The following DGKB variants were observed in gnomAD, a reference collection of about 807,000 sequenced individuals.
DGKB encodes 90 kDa diacylglycerol kinase.
DGKB carries 67 observed loss-of-function variants against 114.3 expected under a neutral mutation model. That is an observed-to-expected ratio of 0.59 (90% CI 0.48 to 0.72). The LOEUF (loss-of-function observed/expected upper bound fraction) is 0.72. Among genes scored for constraint, DGKB ranks in the 30% least tolerant of loss-of-function variants. The pLI, the probability that DGKB is intolerant of heterozygous loss-of-function variation, is 0.00. For synonymous variants in DGKB, 398 were observed against 323.1 expected (o/e 1.23, Z -2.49); for missense variants, 907 against 975.2 (o/e 0.93, Z 0.93).
At chr7:14,350,610 T>C (rs890046708) in intron 21 of DGKB, among the ~76,000 whole-genome samples, 2 of 151,796 alleles carry the variant, frequency 1.3e-5, no homozygotes, top group African/African-American at 2.4e-5. Context: ...TATTTTTATT[T>C]TACAGGTGCA....
At chr7:14,865,393 T>C (rs1220766674) in intron 1 of DGKB, among the ~76,000 whole-genome samples, 1 of 152,208 alleles carries the variant, frequency 6.6e-6, no homozygotes, top group East Asian at 1.9e-4. Flanking sequence ...TGGATAGTGC[T>C]ATTTCTGGCA....
At chr7:14,284,473 A>G (rs1800504029) in intron 23 of DGKB, among the ~76,000 whole-genome samples, 1 of 145,522 alleles carries the variant, frequency 6.9e-6, no homozygotes, top group South Asian at 2.1e-4. Flanking sequence ...GGGATCTAGA[A>G]CTAGAAATAC....
intron 6 of DGKB, 110 bp from the exon 7 acceptor site, chr7:14,701,840 T>A (rs1263609553): frequency 2.9e-6 from 2 of 698,464 alleles, no homozygotes; most frequent in Non-Finnish European, 5.1e-6. Context: ...ACTAAATTCC[T>A]CTCCTGCTCC....
At chr7:14,159,542 A>T (rs1228956878) in intron 25 of DGKB, among the ~76,000 whole-genome samples, 2 of 152,182 alleles carry the variant, frequency 1.3e-5, no homozygotes, top group Non-Finnish European at 2.9e-5. Context: ...GAGTTCAGAG[A>T]TCATATCTTT....
intron 20 of DGKB, among the ~76,000 whole-genome samples, chr7:14,482,260 T>C (rs1783092540): frequency 6.6e-6 from 1 of 152,068 alleles, no homozygotes; most frequent in Non-Finnish European, 1.5e-5. Flanking sequence ...TTACTATTAC[T>C]GAAAAATATT....
chr7:14,865,283 T>A (rs1019173640), intron 1 of DGKB, among the ~76,000 whole-genome samples: 5 of 152,196 alleles, frequency 3.3e-5, no homozygotes, highest in Non-Finnish European at 7.3e-5. Context: ...CTACTACATT[T>A]CCTGGGCGCC....
intron 3 of DGKB, among the ~76,000 whole-genome samples, chr7:14,756,927 T>G (rs1055546845): frequency 6.6e-6 from 1 of 151,936 alleles, no homozygotes; most frequent in Non-Finnish European, 1.5e-5. Flanking sequence ...ATGTAACATC[T>G]CTCAACTAAT....
In DGKB at chr7:14,959,973, C is replaced by A. The variant is rs146214005; in HGVS notation, c.-188+14723G>T. Among the ~76,000 whole-genome samples the A allele has an allele frequency of 4.4e-3, 663 of 152,118 alleles. 7 individuals are homozygous for A. The highest frequency in any genetic ancestry group is 0.015 in the African/African-American group (614 of 41,532). ...ATCATGAGGGAAAACATAACATTTT[C>A]TTTCATCACTTTTGCACAAAGCGGT... On this transcript the variant is annotated intron_variant, in intron 1 of 4. Transcript: ENST00000437998.
intron 2 of DGKB, among the ~76,000 whole-genome samples, chr7:14,762,011 G>C (rs117161591): frequency 6.6e-6 from 1 of 152,212 alleles, no homozygotes; most frequent in Non-Finnish European, 1.5e-5. Context: ...TTGACTGGCA[G>C]GGCAGGATAC....
At chr7:14,951,770 A>G (rs779056825) in intron 1 of DGKB, among the ~76,000 whole-genome samples, 20 of 152,134 alleles carry the variant, frequency 1.3e-4, no homozygotes, top group Middle Eastern at 3.4e-3. Flanking sequence ...TGAGGGGGGT[A>G]TATAGAACTC....
At chr7:14,317,518 G>T (rs1229143570) in intron 23 of DGKB, among the ~76,000 whole-genome samples, 1 of 151,736 alleles carries the variant, frequency 6.6e-6, no homozygotes, top group African/African-American at 2.4e-5. Context: ...CAAATCATGA[G>T]TGAACTCCCA....
chr7:14,740,751 G>T (rs955060978), intron 4 of DGKB, among the ~76,000 whole-genome samples: 1 of 151,914 alleles, frequency 6.6e-6, no homozygotes, highest in Non-Finnish European at 1.5e-5. Context: ...CTTATAGCAG[G>T]GGGAAAGGCA....
chr7:14,434,920 A>T (rs562338809), intron 21 of DGKB, among the ~76,000 whole-genome samples: 3 of 152,202 alleles, frequency 2.0e-5, no homozygotes, highest in African/African-American at 4.8e-5. Flanking sequence ...TTTCTTTCAC[A>T]CTAAGCTTGT....
At chr7:14,835,423 CA>C (rs1847014500) in intron 2 of DGKB, among the ~76,000 whole-genome samples, 1 of 152,180 alleles carries the variant, frequency 6.6e-6, no homozygotes. Context: ...TACATCACAG[CA>C]CTAGCCTTCA....
At chr7:14,217,798 T>C (rs906400577) in intron 23 of DGKB, among the ~76,000 whole-genome samples, 18 of 152,214 alleles carry the variant, frequency 1.2e-4, no homozygotes, top group African/African-American at 3.4e-4. Context: ...CGGTGCTTGA[T>C]AGAAAGTTAG....
intron 23 of DGKB, chr7:14,191,946 T>C: frequency 1.5e-6 from 1 of 664,436 alleles, no homozygotes; most frequent in Non-Finnish European, 2.5e-6. Flanking sequence ...CCTAAATACT[T>C]GAAGTCTGGT....
intron 20 of DGKB, among the ~76,000 whole-genome samples, chr7:14,493,307 G>A (rs1271762737): frequency 1.3e-5 from 2 of 151,952 alleles, no homozygotes; most frequent in Admixed American, 6.6e-5. Context: ...GTACAGAACC[G>A]TGTATATAAG....
chr7:14,469,089 C>G (rs934461304), intron 21 of DGKB, among the ~76,000 whole-genome samples: 1 of 152,020 alleles, frequency 6.6e-6, no homozygotes, highest in African/African-American at 2.4e-5. Flanking sequence ...TCTGTTAGAG[C>G]TCAATGGTCA....
At chr7:14,761,603 G>A (rs1443794800) in intron 2 of DGKB, among the ~76,000 whole-genome samples, 1 of 152,198 alleles carries the variant, frequency 6.6e-6, no homozygotes, top group East Asian at 1.9e-4. Context: ...AAAATAAACA[G>A]AGGAAGTTAT....
Sources: gnomAD v4.1 joint callset for allele counts (sites outside exome capture counted in the v4.1 genomes callset) on GRCh38, gnomAD v4.1.1 for gene constraint, MANE v1.5 for transcripts, NCBI Gene and HGNC (gene_info 2026-07-23, HGNC 2026-07-21) for gene names.